The following THSD7B variants were observed in gnomAD, a reference collection of about 807,000 sequenced individuals.
THSD7B encodes the protein thrombospondin type 1 domain containing 7B.
Under a neutral mutation model 213.6 loss-of-function variants are expected in THSD7B, and 138 were observed. The observed-to-expected ratio is 0.65, with a 90% CI of 0.56 to 0.74. THSD7B has a LOEUF of 0.74. Among genes scored for constraint, THSD7B ranks in the 30% least tolerant of loss-of-function variants. THSD7B has a pLI of 0.00. For synonymous variants in THSD7B, 742 were observed against 687.0 expected, an observed-to-expected ratio of 1.08 and a Z score of -1.25; for missense variants, 1,931 against 1,991.5, an observed-to-expected ratio of 0.97 and a Z score of 0.58.
chr2:137,259,507 T>G (rs1682390179), intron 10 of THSD7B, among the ~76,000 whole-genome samples: 1 of 152,226 alleles, frequency 6.6e-6, no homozygotes, highest in Non-Finnish European at 1.5e-5. Flanking sequence ...TCTGTTTATA[T>G]CCTTTGCCCA....
At chr2:137,026,208 G>C (rs910588822) in intron 2 of THSD7B, among the ~76,000 whole-genome samples, 1 of 152,148 alleles carries the variant, frequency 6.6e-6, no homozygotes, top group Non-Finnish European at 1.5e-5. Context: ...CAGGGCCAGC[G>C]GTGGAGACTT....
At chr2:137,516,201 TA>T (rs1680064883) in intron 15 of THSD7B, among the ~76,000 whole-genome samples, 2 of 152,196 alleles carry the variant, frequency 1.3e-5, no homozygotes, top group African/African-American at 4.8e-5. Context: ...ACGGTGTTCC[TA>T]AAAGTGAAAT....
chr2:137,560,371 A>G (rs1390051531), intron 15 of THSD7B, among the ~76,000 whole-genome samples: 1 of 152,236 alleles, frequency 6.6e-6, no homozygotes, highest in Non-Finnish European at 1.5e-5. Flanking sequence ...ACCATGGAAT[A>G]CTATGCAGCC....
chr2:137,476,604 T>A lies in THSD7B; in HGVS notation c.3138+25581T>A, dbSNP rs193091843. On this transcript the variant is annotated intron_variant, in intron 15 of 27. Transcript: ENST00000409968. ...CTTTCCCCAGTGTATGTTACTGGTA[T>A]TTTTATGGAAAATCAGTTGTCTATA... is the stretch of plus-strand genomic sequence containing the variant. Among the ~76,000 whole-genome samples, 205 of 152,298 alleles carry A rather than the reference T, an allele frequency of 1.3e-3. 1 individual carries two copies. The highest frequency in any genetic ancestry group is 6.8e-3 in the Middle Eastern group (2 of 294).
intron 2 of THSD7B, among the ~76,000 whole-genome samples, chr2:136,905,098 A>G (rs562774871): frequency 3.0e-4 from 45 of 152,346 alleles, no homozygotes; most frequent in Non-Finnish European, 5.7e-4. Context: ...CTCCTTCTGC[A>G]TGTGGGTTGC....
chr2:137,351,687 A>G (rs569098517), intron 12 of THSD7B, among the ~76,000 whole-genome samples: 1 of 152,104 alleles, frequency 6.6e-6, no homozygotes. Context: ...TGAGGCACTG[A>G]TCACATAAGA....
At chr2:136,854,184 G>A (rs1045072726) in intron 1 of THSD7B, among the ~76,000 whole-genome samples, 1 of 151,890 alleles carries the variant, frequency 6.6e-6, no homozygotes, top group African/African-American at 2.4e-5. Flanking sequence ...AGCTGGGGGG[G>A]AATAAAATAC....
intron 12 of THSD7B, among the ~76,000 whole-genome samples, chr2:137,368,657 C>G (rs1685474909): frequency 6.6e-6 from 1 of 152,046 alleles, no homozygotes; most frequent in Admixed American, 6.6e-5. Context: ...GAGAATTTTA[C>G]TTGTTAAAAA....
chr2:137,513,925 A>C (rs1047210881), intron 15 of THSD7B, among the ~76,000 whole-genome samples: 15 of 152,192 alleles, frequency 9.9e-5, no homozygotes, highest in Admixed American at 3.9e-4. Context: ...ATTTATTTTT[A>C]TAAGTTATAA....
intron 1 of THSD7B, among the ~76,000 whole-genome samples, chr2:136,815,222 T>G (rs1682450626): frequency 6.6e-6 from 1 of 152,232 alleles, no homozygotes; most frequent in African/African-American, 2.4e-5. Context: ...AATAAATGGC[T>G]GTTGCTGCCT....
At chr2:136,880,411 C>A (rs535110526) in intron 1 of THSD7B, among the ~76,000 whole-genome samples, 15 of 152,246 alleles carry the variant, frequency 9.9e-5, no homozygotes, top group African/African-American at 3.6e-4. Flanking sequence ...GTACCTATAT[C>A]TTTTTATTTT....
intron 6 of THSD7B, among the ~76,000 whole-genome samples, chr2:137,162,671 C>T (rs1324782179): frequency 6.6e-6 from 1 of 152,062 alleles, no homozygotes; most frequent in African/African-American, 2.4e-5. Context: ...ATGCTTTTGC[C>T]TGCTTTCTTT....
At chr2:137,297,988 C>T (rs1488751369) in intron 12 of THSD7B, among the ~76,000 whole-genome samples, 1 of 151,988 alleles carries the variant, frequency 6.6e-6, no homozygotes, top group Non-Finnish European at 1.5e-5. Context: ...GAAAGAATAC[C>T]CAAAAACTTT....
chr2:137,541,337 C>A (rs551526313), intron 15 of THSD7B, among the ~76,000 whole-genome samples: 70 of 151,562 alleles, frequency 4.6e-4, no homozygotes, highest in African/African-American at 1.6e-3. Flanking sequence ...AAACAAGAAG[C>A]AGTCACTAGA....
chr2:136,899,221 A>T (rs1684020063), intron 2 of THSD7B, among the ~76,000 whole-genome samples: 1 of 152,192 alleles, frequency 6.6e-6, no homozygotes, highest in African/African-American at 2.4e-5. Context: ...CTGTTTTAAG[A>T]TCCACCTTGT....
Position 137,015,602 on chromosome 2 carries a change from A to G in THSD7B, c.140-40818A>G, listed in dbSNP as rs535322643. On this transcript the variant is annotated intron_variant, in intron 2 of 27. Transcript: ENST00000409968. ...TCCATTTGAATTTCATTCTCCCTTGACATACATATTGCATTCCGTAAAGGT... is the reference window on the plus strand; with the variant it reads ...TCCATTTGAATTTCATTCTCCCTTGGCATACATATTGCATTCCGTAAAGGT... Among the ~76,000 whole-genome samples the G allele has an allele frequency of 3.9e-5, 6 of 152,282 alleles. No individual in the cohort carries two copies. The South Asian group carries it at 1.2e-3, about 32-fold the overall frequency.
chr2:137,449,392 C>T (rs1687604279), intron 14 of THSD7B, among the ~76,000 whole-genome samples: 2 of 152,224 alleles, frequency 1.3e-5, no homozygotes, highest in Non-Finnish European at 2.9e-5. Context: ...ACAGACTTCA[C>T]ATCTCAAAAC....
At chr2:137,546,464 A>ATATATATATATAATATATATATATAT (rs1680736762) in intron 15 of THSD7B, among the ~76,000 whole-genome samples, 1 of 16,776 alleles carries the variant, frequency 6.0e-5, no homozygotes, top group African/African-American at 4.1e-4. Flanking sequence ...ATTATATATA[A>ATATATATATATAATATATATATATAT]TATATATATA....
intron 1 of THSD7B, among the ~76,000 whole-genome samples, chr2:136,862,220 C>G (rs746464562): frequency 6.6e-6 from 1 of 152,192 alleles, no homozygotes; most frequent in Non-Finnish European, 1.5e-5. Flanking sequence ...TTGGAGCTGG[C>G]TGCCATAGTC....
Sources: gnomAD v4.1 joint callset for allele counts (sites outside exome capture counted in the v4.1 genomes callset) on GRCh38, gnomAD v4.1.1 for gene constraint, MANE v1.5 for transcripts, NCBI Gene and HGNC (gene_info 2026-07-23, HGNC 2026-07-21) for gene names.